The following SOX5 variants were observed in gnomAD, a reference collection of about 807,000 sequenced individuals.
SOX5 encodes SRY-box transcription factor 5.
In SOX5, 9 loss-of-function variants were observed where a neutral mutation model predicts 92.0. That is an observed-to-expected ratio of 0.10 (90% CI 0.06 to 0.17). The LOEUF (loss-of-function observed/expected upper bound fraction) is 0.17, where lower values mean the gene tolerates loss of function less well. Ranked by LOEUF, SOX5 falls within the 10% of genes least tolerant of loss-of-function variation. SOX5 has a pLI of 1.00. For synonymous variants in SOX5, 344 were observed against 336.3 expected (o/e 1.02, Z -0.25); for missense variants, 642 against 944.5 (o/e 0.68, Z 4.20).
At chr12:24,347,497 CA>C (rs534663024) in intron 2 of SOX5, among the ~76,000 whole-genome samples, 3 of 150,906 alleles carry the variant, frequency 2.0e-5, no homozygotes, top group African/African-American at 4.9e-5. Context: ...AATTTTCAAG[CA>C]AAAAAAATTC....
intron 4 of SOX5, among the ~76,000 whole-genome samples, chr12:23,986,947 A>T (rs546182930): frequency 4.6e-5 from 7 of 152,176 alleles, no homozygotes; most frequent in Admixed American, 4.6e-4. Context: ...TTTAAAAATC[A>T]CTTTCACTCT....
intron 4 of SOX5, among the ~76,000 whole-genome samples, chr12:24,033,918 T>C (rs1372845352): frequency 1.3e-5 from 2 of 151,934 alleles, no homozygotes; most frequent in African/African-American, 4.8e-5. Flanking sequence ...CAATGATGCT[T>C]AGTTGGGATT....
At chr12:23,726,162 A>T (rs1003473142) in intron 6 of SOX5, among the ~76,000 whole-genome samples, 1 of 60,144 alleles carries the variant, frequency 1.7e-5, no homozygotes, top group Non-Finnish European at 3.6e-5. Context: ...AGAGAGAGAG[A>T]GAGAGAGAGA....
chr12:23,917,559 T>G (rs2097430255), intron 1 of SOX5, among the ~76,000 whole-genome samples: 1 of 151,742 alleles, frequency 6.6e-6, no homozygotes, highest in African/African-American at 2.4e-5. Context: ...CCTCAAAAAA[T>G]AAAAGAAAAT....
intron 4 of SOX5, among the ~76,000 whole-genome samples, chr12:23,973,117 G>C (rs925806814): frequency 6.7e-6 from 1 of 149,894 alleles, no homozygotes; most frequent in Non-Finnish European, 1.5e-5. Context: ...TGTCCTCCAG[G>C]TCCATTCATT....
At chr12:23,760,339 G>A (rs192234988) in intron 3 of SOX5, among the ~76,000 whole-genome samples, 2 of 152,064 alleles carry the variant, frequency 1.3e-5, no homozygotes, top group East Asian at 1.9e-4. Flanking sequence ...CTTAATTTCA[G>A]GATCTGTCTC....
At chr12:24,323,858 C>A (rs1950433156) in intron 2 of SOX5, among the ~76,000 whole-genome samples, 1 of 151,570 alleles carries the variant, frequency 6.6e-6, no homozygotes, top group South Asian at 2.1e-4. Context: ...GAGGAAGAGG[C>A]CAAAAATTTA....
intron 2 of SOX5, among the ~76,000 whole-genome samples, chr12:24,328,886 T>TAAA (rs1339337706): frequency 2.0e-5 from 3 of 152,220 alleles, no homozygotes; most frequent in African/African-American, 4.8e-5. Flanking sequence ...ACGTTATTGT[T>TAAA]AGAGTCCTTT....
At chr12:23,932,313 G>A (rs1290318435) in intron 1 of SOX5, among the ~76,000 whole-genome samples, 2 of 151,604 alleles carry the variant, frequency 1.3e-5, no homozygotes, top group South Asian at 2.1e-4. Context: ...AGATGGCAGG[G>A]TGCTATTTAT....
chr12:24,554,205 T>C (rs1378992508), intron 1 of SOX5, among the ~76,000 whole-genome samples: 3 of 152,162 alleles, frequency 2.0e-5, no homozygotes, highest in African/African-American at 7.2e-5. Context: ...ATTACACCGG[T>C]ACATCTAGGC....
chr12:24,121,885 C>CAAAAAAAAA (rs900951883), intron 4 of SOX5, among the ~76,000 whole-genome samples: 1 of 48,258 alleles, frequency 2.1e-5, no homozygotes, highest in Non-Finnish European at 3.6e-5. Flanking sequence ...GACTCTATCT[C>CAAAAAAAAA]AAAAAAAAAA....
chr12:23,680,557 G>GA (rs1488990519), intron 6 of SOX5, among the ~76,000 whole-genome samples: 1 of 151,474 alleles, frequency 6.6e-6, no homozygotes, highest in South Asian at 2.1e-4. Context: ...AATTTTAGGA[G>GA]AAAAAAAATT....
Position 23,820,412 on chromosome 12 carries a change from C to A in SOX5, c.481+25571G>T, listed in dbSNP as rs4666279. On this transcript the variant is annotated intron_variant, in intron 3 of 14. Transcript: ENST00000451604. ...GATGACAGTTTCCTTTGCTGTGCAG[C>A]AGCTCTTTAGTTTAATTAGATCCCA... Among the ~76,000 whole-genome samples, 6 of 152,214 alleles carry A rather than the reference C, an allele frequency of 3.9e-5. No individual in the cohort carries two copies. In the East Asian group the frequency reaches 7.7e-4, roughly 20 times the overall value.
At chr12:24,358,611 C>CAAA (rs11410265) in intron 2 of SOX5, among the ~76,000 whole-genome samples, 3 of 140,460 alleles carry the variant, frequency 2.1e-5, no homozygotes, top group African/African-American at 7.9e-5. Flanking sequence ...GACTCCATCT[C>CAAA]AAAAAAAAAA....
intron 1 of SOX5, among the ~76,000 whole-genome samples, chr12:24,461,073 T>C (rs1056825095): frequency 6.6e-6 from 1 of 152,212 alleles, no homozygotes; most frequent in Non-Finnish European, 1.5e-5. Context: ...TTTATGTATG[T>C]TTGGCCTGAG....
intron 4 of SOX5, among the ~76,000 whole-genome samples, chr12:24,026,414 G>A (rs1954877582): frequency 6.6e-6 from 1 of 151,834 alleles, no homozygotes; most frequent in Non-Finnish European, 1.5e-5. Flanking sequence ...GATAGAACTG[G>A]TGAGGCCTTG....
intron 4 of SOX5, among the ~76,000 whole-genome samples, chr12:24,128,800 C>A (rs976406248): frequency 6.6e-6 from 1 of 152,110 alleles, no homozygotes; most frequent in African/African-American, 2.4e-5. Flanking sequence ...ATAATATAAT[C>A]TGATTGATAT....
intron 4 of SOX5, among the ~76,000 whole-genome samples, chr12:23,743,660 A>C (rs1248123730): frequency 6.6e-6 from 1 of 152,140 alleles, no homozygotes; most frequent in Non-Finnish European, 1.5e-5. Context: ...AACTTATTTC[A>C]CCTCAACATG....
At chr12:23,760,720 T>G (rs1345731150) in intron 3 of SOX5, among the ~76,000 whole-genome samples, 2 of 152,104 alleles carry the variant, frequency 1.3e-5, no homozygotes, top group Non-Finnish European at 2.9e-5. Flanking sequence ...CAAACACTCT[T>G]AAGACCGACT....
Sources: gnomAD v4.1 joint callset for allele counts (sites outside exome capture counted in the v4.1 genomes callset) on GRCh38, gnomAD v4.1.1 for gene constraint, MANE v1.5 for transcripts, NCBI Gene and HGNC (gene_info 2026-07-23, HGNC 2026-07-21) for gene names.